Variants in CTNNA2 observed in about 807,000 individuals in gnomAD.
CTNNA2 encodes catenin alpha 2, also known as catenin alpha-2.
Under a neutral mutation model 101.0 loss-of-function variants are expected in CTNNA2, and 42 were observed. The ratio of observed to expected loss-of-function variants is 0.42; its 90% CI spans 0.32 to 0.54. The LOEUF is 0.54. CTNNA2 is among the 20% of genes least tolerant of loss of function. The probability of loss-of-function intolerance (pLI) is 0.14; values close to 1 mark genes in which losing one functional copy is unlikely to be tolerated. For missense variants in CTNNA2, 871 were observed against 1,223.1 expected, an observed-to-expected ratio of 0.71 and a Z score of 4.29; for synonymous variants, 450 against 456.4, an observed-to-expected ratio of 0.99 and a Z score of 0.18.
At chr2:79,658,437 G>T (rs1681774359) in intron 2 of CTNNA2, among the ~76,000 whole-genome samples, 1 of 151,956 alleles carries the variant, frequency 6.6e-6, no homozygotes, top group Non-Finnish European at 1.5e-5. Flanking sequence ...AATGGTAATG[G>T]CTTTCGCTTA....
chr2:79,599,096 A>C (rs1677386812), intron 1 of CTNNA2, among the ~76,000 whole-genome samples: 1 of 152,078 alleles, frequency 6.6e-6, no homozygotes, highest in South Asian at 2.1e-4. Context: ...CTTTTGTGAA[A>C]GGTCAGTTCA....
At chr2:80,199,917 T>C (rs1045184183) in intron 7 of CTNNA2, among the ~76,000 whole-genome samples, 2 of 152,170 alleles carry the variant, frequency 1.3e-5, no homozygotes, top group African/African-American at 4.8e-5. Context: ...GTTCTCTCTC[T>C]CTCAGGGAGA....
At chr2:80,586,748 A>C (rs1696006698) in intron 14 of CTNNA2, among the ~76,000 whole-genome samples, 1 of 152,210 alleles carries the variant, frequency 6.6e-6, no homozygotes, top group Non-Finnish European at 1.5e-5. Context: ...GTATTCATAC[A>C]AGTCTGGATT....
chr2:79,221,701 T>C (rs772190924), intron 2 of CTNNA2, among the ~76,000 whole-genome samples: 5 of 152,068 alleles, frequency 3.3e-5, no homozygotes, highest in Admixed American at 2.6e-4. Context: ...ATTTATTAGA[T>C]CTATTAATAT....
intron 3 of CTNNA2, among the ~76,000 whole-genome samples, chr2:79,338,572 C>CTTCTTCTTCT (rs1677050201): frequency 7.9e-6 from 1 of 127,164 alleles, no homozygotes; most frequent in African/African-American, 3.0e-5. Flanking sequence ...CTTCTTCCTC[C>CTTCTTCTTCT]TCATCATCTT....
chr2:80,604,440 CCCTG>C (rs1205050503), intron 16 of CTNNA2, among the ~76,000 whole-genome samples: 1 of 151,766 alleles, frequency 6.6e-6, no homozygotes, highest in East Asian at 1.9e-4. Flanking sequence ...AGACATCAGC[CCCTG>C]AAGAGTCACG....
intron 7 of CTNNA2, among the ~76,000 whole-genome samples, chr2:80,078,335 G>A (rs1698893201): frequency 6.6e-6 from 1 of 152,122 alleles, no homozygotes; most frequent in African/African-American, 2.4e-5. Flanking sequence ...TAACTGGGAG[G>A]ACCAGTGAAG....
At chr2:79,242,676 G>A (rs999369419) in intron 2 of CTNNA2, among the ~76,000 whole-genome samples, 1 of 152,084 alleles carries the variant, frequency 6.6e-6, no homozygotes, top group African/African-American at 2.4e-5. Context: ...TTTTTAATAT[G>A]TTAATATTAG....
At chr2:79,535,707 AT>A (rs1404629596) in intron 1 of CTNNA2, among the ~76,000 whole-genome samples, 2 of 152,210 alleles carry the variant, frequency 1.3e-5, no homozygotes, top group East Asian at 3.9e-4. Context: ...TGCTATCAGA[AT>A]TTTAGCTTCC....
chr2:79,596,504 T>C (rs1261419242), intron 1 of CTNNA2, among the ~76,000 whole-genome samples: 1 of 152,114 alleles, frequency 6.6e-6, no homozygotes, highest in Non-Finnish European at 1.5e-5. Flanking sequence ...AATAAAGCTC[T>C]GGCAACCAGT....
At chr2:80,199,182 GAAAAAAAAAAAAAA>G (rs70940076) in intron 7 of CTNNA2, among the ~76,000 whole-genome samples, 3 of 40,050 alleles carry the variant, frequency 7.5e-5, no homozygotes, top group South Asian at 1.5e-3. Flanking sequence ...CTCCATCTCA[GAAAAAAAAAAAAAA>G]AAAAAAAAAA....
At chr2:79,739,077 T>A (rs1223324223) in intron 2 of CTNNA2, among the ~76,000 whole-genome samples, 3 of 150,618 alleles carry the variant, frequency 2.0e-5, no homozygotes. Flanking sequence ...TGCTGTTTTT[T>A]TTTTTTTTCT....
chr2:79,909,548 C>G (rs1434174199), intron 6 of CTNNA2, 46 bp from the exon 7 acceptor site: 2 of 1,513,838 alleles, frequency 1.3e-6, no homozygotes, highest in Non-Finnish European at 1.8e-6. Context: ...CAAGGCAGAC[C>G]TCTCTTCTCT....
At chr2:79,737,348 C>CA (rs35471827) in intron 2 of CTNNA2, among the ~76,000 whole-genome samples, 2,913 of 99,300 alleles carry the variant, frequency 0.029, 79 homozygotes, top group East Asian at 0.14. Flanking sequence ...GACTCCGTCT[C>CA]AAAAAAAAAA....
At chr2:80,321,254 A>AT (rs1200758322) in intron 7 of CTNNA2, among the ~76,000 whole-genome samples, 1 of 152,150 alleles carries the variant, frequency 6.6e-6, no homozygotes, top group East Asian at 1.9e-4. Context: ...GGAAAAAAAA[A>AT]GGAAATTGGA....
chr2:80,200,869 T>G (rs1357294131), intron 7 of CTNNA2, among the ~76,000 whole-genome samples: 2 of 89,632 alleles, frequency 2.2e-5, no homozygotes, highest in Non-Finnish European at 3.8e-5. Flanking sequence ...ATAGCCTTGG[T>G]TTTTTTTTTT....
intron 7 of CTNNA2, among the ~76,000 whole-genome samples, chr2:80,059,539 T>C (rs1697435554): frequency 6.6e-6 from 1 of 152,224 alleles, no homozygotes; most frequent in Non-Finnish European, 1.5e-5. Flanking sequence ...AGGAATATTT[T>C]AGTCGCTTGG....
chr2:80,040,223 A>G (rs1372854234), intron 7 of CTNNA2, among the ~76,000 whole-genome samples: 1 of 152,158 alleles, frequency 6.6e-6, no homozygotes, highest in Non-Finnish European at 1.5e-5. Context: ...TTAATTTTGT[A>G]TTATTTATAA....
At chr2:79,524,122 AAAC>A (rs1407609436) in intron 1 of CTNNA2, among the ~76,000 whole-genome samples, 1 of 152,036 alleles carries the variant, frequency 6.6e-6, no homozygotes, top group South Asian at 2.1e-4. Flanking sequence ...ATCAATTTGA[AAAC>A]AACACTGTAT....
Sources: gnomAD v4.1 joint callset for allele counts (sites outside exome capture counted in the v4.1 genomes callset) on GRCh38, gnomAD v4.1.1 for gene constraint, MANE v1.5 for transcripts, NCBI Gene and HGNC (gene_info 2026-07-23, HGNC 2026-07-21) for gene names.